AMD1: variants seen among roughly 807,000 people sequenced by gnomAD.
The protein encoded by AMD1 is S-adenosylmethionine decarboxylase proenzyme.
A neutral mutation model predicts 40.2 loss-of-function variants in AMD1; 11 were observed. That is an observed-to-expected ratio of 0.27 (90% CI 0.17 to 0.45). AMD1 has a LOEUF of 0.45. Among genes scored for constraint, AMD1 ranks in the 20% least tolerant of loss-of-function variants. The pLI is 1.00. For synonymous variants in AMD1, 121 were observed against 130.8 expected, an observed-to-expected ratio of 0.93 and a Z score of 0.51; for missense variants, 257 against 410.2, an observed-to-expected ratio of 0.63 and a Z score of 3.23.
the AMD1 span, among the ~76,000 whole-genome samples, chr6:110,869,213 C>T: frequency 6.6e-6 from 1 of 151,920 alleles, no homozygotes; most frequent in East Asian, 2.0e-4. Flanking sequence ...TCACTGCAAG[C>T]TCCGCCTCCC....
At chr6:110,878,331 G>C (rs1785221458) in intron 1 of AMD1, among the ~76,000 whole-genome samples, 1 of 152,170 alleles carries the variant, frequency 6.6e-6, no homozygotes. Context: ...TGGCTCATCA[G>C]TCCAAGCTTT....
chr6:110,861,606 C>G, the AMD1 span, among the ~76,000 whole-genome samples: 1 of 152,000 alleles, frequency 6.6e-6, no homozygotes, highest in Non-Finnish European at 1.5e-5. Context: ...CTTTGGGGGG[C>G]CAAAGTGGAT....
the AMD1 span, chr6:110,814,900 C>T: frequency 1.4e-6 from 2 of 1,454,638 alleles, no homozygotes; most frequent in Middle Eastern, 1.8e-4. Context: ...CGACCCCCTC[C>T]GCCTCGCCCC....
the AMD1 span, among the ~76,000 whole-genome samples, chr6:110,828,425 C>T: frequency 2.7e-5 from 4 of 150,848 alleles, no homozygotes; most frequent in Middle Eastern, 0.01. Context: ...AAGAGTGGAA[C>T]TCTGTCTCAA....
the AMD1 span, among the ~76,000 whole-genome samples, chr6:110,851,510 TG>T: frequency 6.6e-6 from 1 of 152,110 alleles, no homozygotes; most frequent in African/African-American, 2.4e-5. Flanking sequence ...TCGCCCAGGC[TG>T]GAGTCCATTG....
At chr6:110,878,310 T>TC (rs1785220251) in intron 1 of AMD1, among the ~76,000 whole-genome samples, 1 of 152,204 alleles carries the variant, frequency 6.6e-6, no homozygotes, top group Non-Finnish European at 1.5e-5. Flanking sequence ...GGAATACACT[T>TC]TAAACAAACT....
chr6:110,872,891 T>C (rs1784943196), upstream of AMD1, among the ~76,000 whole-genome samples: 1 of 152,216 alleles, frequency 6.6e-6, no homozygotes, highest in African/African-American at 2.4e-5. Flanking sequence ...ATACCACAAT[T>C]AGTGTTTGAG....
intron 1 of AMD1, among the ~76,000 whole-genome samples, 170 bp from the exon 2 acceptor site, chr6:110,887,335 C>T (rs77880601): frequency 0.036 from 5,521 of 151,954 alleles, 128 homozygotes; most frequent in Middle Eastern, 0.071. Flanking sequence ...CATAATATAC[C>T]TATCATTTAT....
At chr6:110,846,660 A>T in the AMD1 span, among the ~76,000 whole-genome samples, 3 of 152,144 alleles carry the variant, frequency 2.0e-5, no homozygotes, top group Non-Finnish European at 4.4e-5. Context: ...TCACAAGGTC[A>T]GGAGTTCAAG....
the AMD1 span, among the ~76,000 whole-genome samples, chr6:110,856,825 A>C: frequency 6.6e-6 from 1 of 152,154 alleles, no homozygotes; most frequent in Non-Finnish European, 1.5e-5. Flanking sequence ...TATTCCAAAA[A>C]AGGCAGGATT....
chr6:110,854,487 C>T, the AMD1 span, among the ~76,000 whole-genome samples: 36 of 151,674 alleles, frequency 2.4e-4, no homozygotes, highest in Admixed American at 1.1e-3. Flanking sequence ...CTCATTCTGT[C>T]GCCAAGGCTG....
At chr6:110,858,652 CG>C in the AMD1 span, 2 of 1,224,928 alleles carry the variant, frequency 1.6e-6, no homozygotes, top group Admixed American at 1.8e-5. Context: ...GGCTGCAGAG[CG>C]GGGTGGACAT....
the AMD1 span, among the ~76,000 whole-genome samples, chr6:110,852,057 T>G: frequency 8.4e-5 from 7 of 83,116 alleles, no homozygotes; most frequent in Admixed American, 5.2e-4. Flanking sequence ...GATTTTTTTG[T>G]TTTTTTTTTT....
At position 110,875,334 on chromosome 6, in the gene AMD1, TG is replaced by T; in HGVS notation, c.110+123del. The T allele has an allele frequency of 3.6e-6, 3 of 837,366 alleles. No individual in the cohort carries two copies. The Admixed American group carries it at 6.9e-5, about 19-fold the overall frequency. 51.9% of individuals were successfully genotyped at this position (837,366 alleles called of 1,614,324 possible). On this transcript the variant is annotated intron_variant, in intron 1 of 8. Transcript: ENST00000368885. ...TTCAGTTGGGGGCAAGTCTGCGGCC[TG>T]GGGTCGCTTCGGCGGCCTTGGAAGG...
the AMD1 span, chr6:110,815,317 G>T: frequency 1.8e-6 from 1 of 552,298 alleles, no homozygotes; most frequent in Non-Finnish European, 2.8e-6. Context: ...GGCGGCCACA[G>T]CAGCCACCTC....
the AMD1 span, among the ~76,000 whole-genome samples, chr6:110,852,888 G>A: frequency 6.6e-6 from 1 of 151,880 alleles, no homozygotes; most frequent in East Asian, 1.9e-4. Flanking sequence ...TTATTCTGGG[G>A]TGCGGAAGGA....
chr6:110,845,101 A>G, the AMD1 span, among the ~76,000 whole-genome samples: 27 of 139,480 alleles, frequency 1.9e-4, no homozygotes, highest in South Asian at 2.5e-4. Flanking sequence ...GTGCAATGGC[A>G]TGATCTCAGC....
At chr6:110,817,702 T>C in the AMD1 span, among the ~76,000 whole-genome samples, 1 of 152,194 alleles carries the variant, frequency 6.6e-6, no homozygotes, top group Middle Eastern at 3.2e-3. Flanking sequence ...AAAAAATTAG[T>C]CTTTTTCCAT....
chr6:110,877,059 C>G (rs535102634), intron 1 of AMD1, among the ~76,000 whole-genome samples: 14 of 152,150 alleles, frequency 9.2e-5, no homozygotes, highest in Admixed American at 2.6e-4. Flanking sequence ...GTTTAAGAAC[C>G]CTTTTTACTT....
Sources: allele counts gnomAD v4.1 joint callset (sites outside exome capture counted in the v4.1 genomes callset), GRCh38; gene constraint gnomAD v4.1.1; transcripts MANE v1.5; gene names NCBI Gene and HGNC (gene_info 2026-07-23, HGNC 2026-07-21).